EPHA6: variants seen among roughly 807,000 people sequenced by gnomAD.
EPHA6 encodes the protein ephrin type-A receptor 6.
A neutral mutation model predicts 112.0 loss-of-function variants in EPHA6; 50 were observed. The ratio of observed to expected loss-of-function variants is 0.45; its 90% confidence interval spans 0.36 to 0.56. The LOEUF (loss-of-function observed/expected upper bound fraction) is 0.56, where lower values mean the gene tolerates loss of function less well. EPHA6 is among the 20% of genes least tolerant of loss of function. The pLI is 0.00. For missense variants in EPHA6, 1,280 were observed against 1,417.4 expected, an observed-to-expected ratio of 0.90 and a Z score of 1.56; for synonymous variants, 529 against 490.7, an observed-to-expected ratio of 1.08 and a Z score of -1.03.
intron 3 of EPHA6, among the ~76,000 whole-genome samples, chr3:97,012,607 G>GTGTGTGTATATA (rs368002096): frequency 3.0e-5 from 4 of 132,114 alleles, no homozygotes; most frequent in African/African-American, 1.3e-4. Flanking sequence ...GTGTGTGTGT[G>GTGTGTGTATATA]TATATATATA....
At chr3:97,136,989 TATA>T (rs1265762604) in intron 3 of EPHA6, among the ~76,000 whole-genome samples, 4 of 152,164 alleles carry the variant, frequency 2.6e-5, no homozygotes, top group African/African-American at 9.7e-5. Flanking sequence ...CATGATTGTA[TATA>T]ATAACCTACC....
chr3:97,079,696 A>C (rs1233694138), intron 3 of EPHA6, among the ~76,000 whole-genome samples: 2 of 151,986 alleles, frequency 1.3e-5, no homozygotes, highest in Non-Finnish European at 2.9e-5. Flanking sequence ...GCTGTCAAAT[A>C]ACATTGAATA....
At chr3:97,599,258 C>G (rs1171543694) in intron 12 of EPHA6, among the ~76,000 whole-genome samples, 2 of 149,550 alleles carry the variant, frequency 1.3e-5, no homozygotes, top group African/African-American at 4.9e-5. Flanking sequence ...TGTGCAGAAG[C>G]TCTTTAGTTT....
chr3:96,818,091 TATTA>T (rs2032946084), intron 1 of EPHA6, among the ~76,000 whole-genome samples: 1 of 151,762 alleles, frequency 6.6e-6, no homozygotes, highest in African/African-American at 2.4e-5. Flanking sequence ...AAAACCACAG[TATTA>T]ATTAAGTGTT....
intron 5 of EPHA6, among the ~76,000 whole-genome samples, chr3:97,329,727 A>G (rs1410146783): frequency 1.3e-5 from 2 of 152,196 alleles, no homozygotes; most frequent in African/African-American, 2.4e-5. Flanking sequence ...GCCCTTTGTC[A>G]GATGGGTAGA....
chr3:97,673,319 G>A (rs192087322), intron 14 of EPHA6, among the ~76,000 whole-genome samples: 117 of 152,290 alleles, frequency 7.7e-4, no homozygotes, highest in African/African-American at 2.5e-3. Flanking sequence ...AGAGGCAACT[G>A]GTGTTACTCG....
At position 97,755,039 on chromosome 3, in the gene EPHA6, T is replaced by C. The variant is rs935126155; in HGVS notation, c.*6338T>C. Among the ~76,000 whole-genome samples, 2 of 152,242 alleles carry C rather than the reference T, an allele frequency of 1.3e-5. No individual in the cohort carries two copies. The highest frequency in any genetic ancestry group is 2.9e-5 in the Non-Finnish European group (2 of 68,040). Reference sequence around the variant, plus strand: ...TTTTAAACAAAACATGGAAAAGTTCTTGCTTGAACTTTCACACTGATTAAT... The same window carrying C: ...TTTTAAACAAAACATGGAAAAGTTCCTGCTTGAACTTTCACACTGATTAAT... On this transcript the variant is annotated 3_prime_UTR_variant, in exon 18 of 18. Transcript: ENST00000389672.
intron 5 of EPHA6, among the ~76,000 whole-genome samples, chr3:97,378,276 G>A (rs963040213): frequency 9.2e-5 from 14 of 152,176 alleles, no homozygotes; most frequent in Non-Finnish European, 1.5e-5. Flanking sequence ...GAGGCTGTAG[G>A]TGCACAGAGT....
chr3:97,681,433 A>T (rs894423631), intron 14 of EPHA6, among the ~76,000 whole-genome samples: 1 of 152,120 alleles, frequency 6.6e-6, no homozygotes, highest in Admixed American at 6.6e-5. Context: ...ATTATTTATG[A>T]TAGAGAAAAA....
At chr3:97,173,537 G>A (rs1335237949) in intron 3 of EPHA6, among the ~76,000 whole-genome samples, 1 of 151,742 alleles carries the variant, frequency 6.6e-6, no homozygotes, top group Non-Finnish European at 1.5e-5. Flanking sequence ...TAATTACTAT[G>A]TGTCAGGAAA....
intron 5 of EPHA6, among the ~76,000 whole-genome samples, chr3:97,286,286 A>G (rs1475670451): frequency 6.6e-6 from 1 of 152,116 alleles, no homozygotes; most frequent in Non-Finnish European, 1.5e-5. Context: ...TGTGGTTTTA[A>G]AGTCTTAACC....
chr3:97,382,374 G>A (rs954882252), intron 5 of EPHA6, among the ~76,000 whole-genome samples: 20 of 152,020 alleles, frequency 1.3e-4, no homozygotes, highest in Non-Finnish European at 2.8e-4. Context: ...CTGCTTAGAT[G>A]AATAAAACAT....
intron 3 of EPHA6, among the ~76,000 whole-genome samples, chr3:97,198,601 G>T (rs928429418): frequency 1.3e-5 from 2 of 152,016 alleles, no homozygotes; most frequent in African/African-American, 4.8e-5. Flanking sequence ...CCTCGCTTTG[G>T]CCCCTTTAAT....
At chr3:97,611,082 CTA>C (rs1411333166) in intron 13 of EPHA6, among the ~76,000 whole-genome samples, 2 of 151,358 alleles carry the variant, frequency 1.3e-5, no homozygotes, top group Non-Finnish European at 3.0e-5. Flanking sequence ...AATTCACTTG[CTA>C]TATGTGTGTG....
intron 5 of EPHA6, among the ~76,000 whole-genome samples, chr3:97,256,925 T>C (rs561463605): frequency 6.6e-6 from 1 of 152,164 alleles, no homozygotes; most frequent in African/African-American, 2.4e-5. Context: ...TAGTGAATAA[T>C]TAGCTTATGT....
intron 3 of EPHA6, among the ~76,000 whole-genome samples, chr3:97,205,404 A>T (rs376654538): frequency 6.6e-5 from 10 of 151,980 alleles, no homozygotes; most frequent in South Asian, 2.1e-4. Flanking sequence ...ATTATACTAT[A>T]CATTTTAAAT....
chr3:97,238,556 A>G (rs1210633858), intron 4 of EPHA6, among the ~76,000 whole-genome samples: 1 of 151,950 alleles, frequency 6.6e-6, no homozygotes, highest in Non-Finnish European at 1.5e-5. Flanking sequence ...CATCTCTTCT[A>G]TAAAATGGGG....
At chr3:97,137,211 G>T (rs2075788038) in intron 3 of EPHA6, among the ~76,000 whole-genome samples, 1 of 152,184 alleles carries the variant, frequency 6.6e-6, no homozygotes, top group African/African-American at 2.4e-5. Flanking sequence ...GCTGCAATTT[G>T]AAATGCAATC....
intron 14 of EPHA6, among the ~76,000 whole-genome samples, chr3:97,659,433 T>C (rs1422946938): frequency 1.3e-5 from 2 of 151,892 alleles, no homozygotes; most frequent in African/African-American, 2.4e-5. Context: ...GAAGAGATGA[T>C]GAAAATGTCC....
Sources: allele counts gnomAD v4.1 joint callset (sites outside exome capture counted in the v4.1 genomes callset), GRCh38; gene constraint gnomAD v4.1.1; transcripts MANE v1.5; gene names NCBI Gene and HGNC (gene_info 2026-07-23, HGNC 2026-07-21).